Variants in EIPR1 observed in about 807,000 individuals in gnomAD.
EIPR1 encodes EARP and GARP complex-interacting protein 1.
EIPR1 carries 25 observed loss-of-function variants against 48.1 expected under a neutral mutation model. The ratio of observed to expected loss-of-function variants is 0.52; its 90% CI spans 0.38 to 0.73. The LOEUF (loss-of-function observed/expected upper bound fraction) is 0.73. Ranked by LOEUF, EIPR1 falls within the 30% of genes least tolerant of loss-of-function variation. The pLI is 0.00. For synonymous variants in EIPR1, 204 were observed against 201.9 expected (o/e 1.01, Z -0.09); for missense variants, 415 against 506.2 (o/e 0.82, Z 1.73).
At chr2:3,214,407 C>CA in intron 4 of EIPR1, 159 bp from the exon 5 acceptor site, 1 of 617,300 alleles carries the variant, frequency 1.6e-6, no homozygotes, top group Non-Finnish European at 2.8e-6. Flanking sequence ...TGCCTGACAA[C>CA]ACTGTTGTTG....
intron 3 of EIPR1, among the ~76,000 whole-genome samples, chr2:3,329,625 G>A (rs1481835123): frequency 6.6e-6 from 1 of 150,516 alleles, no homozygotes; most frequent in Non-Finnish European, 1.5e-5. Flanking sequence ...TACCCACCAT[G>A]CTCTAATAAT....
chr2:3,343,011 T>C (rs1012766666), intron 2 of EIPR1, among the ~76,000 whole-genome samples: 4 of 152,254 alleles, frequency 2.6e-5, no homozygotes, highest in Non-Finnish European at 5.9e-5. Context: ...CTTGAGTGCC[T>C]TAATCCTTAA....
chr2:3,330,462 C>T (rs1016097363), intron 3 of EIPR1, among the ~76,000 whole-genome samples: 42 of 152,162 alleles, frequency 2.8e-4, no homozygotes, highest in African/African-American at 9.7e-4. Context: ...CACAGAGTGT[C>T]GCCGAGGATG....
At position 3,354,630 on chromosome 2, in the gene EIPR1, G is replaced by A. The variant is rs756185398; in HGVS notation, c.46C>T (p.Arg16Cys). The A allele has an allele frequency of 4.3e-6, 7 of 1,613,916 alleles. No homozygotes were observed. The highest frequency in any genetic ancestry group is 2.2e-5 in the East Asian group (1 of 44,870). ...PVIYGLEFQA[R>C]ALTPQTAETD... ...TCTGCAGTTTGAGGTGTTAAGGCAC[G>A]TGCCTGCAGGAGGGAAGAAAAACAC... is the stretch of plus-strand genomic sequence containing the variant. Residue 16 changes from arginine (R) to cysteine (C), a missense_variant, in exon 2 of 9, where the codon CGT becomes TGT. Physicochemically the swap from Arg to Cys is radical, Grantham distance 180 (BLOSUM62 -3). Transcript: ENST00000382125.
intron 4 of EIPR1, among the ~76,000 whole-genome samples, chr2:3,221,834 CGA>C (rs796303227): frequency 5.5e-4 from 82 of 149,440 alleles, no homozygotes; most frequent in African/African-American, 1.8e-3. Flanking sequence ...CCACAATGGC[CGA>C]GATACACTCT....
intron 1 of EIPR1, among the ~76,000 whole-genome samples, chr2:3,368,312 G>A (rs1671026108): frequency 6.6e-6 from 1 of 151,274 alleles, no homozygotes; most frequent in Non-Finnish European, 1.5e-5. Context: ...GGTTTTGGTG[G>A]TAAACCGAAG....
At chr2:3,228,910 A>G (rs1482040585) in intron 4 of EIPR1, among the ~76,000 whole-genome samples, 2 of 152,174 alleles carry the variant, frequency 1.3e-5, no homozygotes, top group African/African-American at 4.8e-5. Flanking sequence ...TGGAACTGTG[A>G]GTTAAGCCCT....
chr2:3,363,672 G>A (rs1053981657), intron 1 of EIPR1, among the ~76,000 whole-genome samples: 3 of 152,112 alleles, frequency 2.0e-5, no homozygotes, highest in African/African-American at 7.2e-5. Flanking sequence ...TTGACAGAGT[G>A]AGACCGTGCC....
rs1337399502 is a variant in EIPR1 at position 3,286,458 on chromosome 2, G to T, written c.260-29003C>A. Among the ~76,000 whole-genome samples, 1 of 152,192 alleles carries T rather than the reference G, an allele frequency of 6.6e-6. No homozygotes were observed. The highest frequency in any genetic ancestry group is 1.5e-5 in the Non-Finnish European group (1 of 68,034). On this transcript the variant is annotated intron_variant, in intron 3 of 8. Coordinates refer to ENST00000382125, the MANE Select transcript of EIPR1 (RefSeq NM_003310.5). The surrounding 1 kb of genome is among the most constrained non-coding windows in gnomAD (Gnocchi z 4.2). ...CCCGGGGGTGGGGCCATCCTACCAG[G>T]CATGTCCTGGGCACATGGGAAGACC...
rs1313454238 is a variant in EIPR1, at chr2:3,194,278, G to A, written c.654-112C>T. On this transcript the variant is annotated intron_variant, in intron 6 of 8. Transcript: ENST00000382125. ...GGACCCTGTCTAATCCCCCGGCCCAGGGTGCTCTCATCCCCTCGGCGTTCC... is the reference window on the plus strand; with the variant it reads ...GGACCCTGTCTAATCCCCCGGCCCAAGGTGCTCTCATCCCCTCGGCGTTCC... 2.9e-6 allele frequency: 4 copies of A among 1,380,316 alleles called. No homozygotes were observed. In the Admixed American group the frequency reaches 6.1e-5, roughly 21 times the overall value. 85.5% of individuals were successfully genotyped at this position (1,380,316 alleles called of 1,614,324 possible).
At chr2:3,328,101 C>G (rs1669754270) in intron 3 of EIPR1, among the ~76,000 whole-genome samples, 1 of 152,122 alleles carries the variant, frequency 6.6e-6, no homozygotes, top group Non-Finnish European at 1.5e-5. Context: ...AGGGATGGCA[C>G]CTGGGGAGCC....
At chr2:3,297,192 G>T (rs183965529) in intron 3 of EIPR1, among the ~76,000 whole-genome samples, 3 of 152,362 alleles carry the variant, frequency 2.0e-5, no homozygotes, top group East Asian at 1.9e-4. Flanking sequence ...AGAAAGAGGC[G>T]TGTGGGACAC....
chr2:3,354,667 T>G (rs746755021), intron 1 of EIPR1, 34 bp from the exon 2 acceptor site: 9 of 1,600,682 alleles, frequency 5.6e-6, no homozygotes, highest in Middle Eastern at 3.3e-4. Flanking sequence ...TGCACATTTA[T>G]GAAGTTAGAT....
intron 3 of EIPR1, among the ~76,000 whole-genome samples, chr2:3,294,753 A>T (rs1668486004): frequency 8.0e-6 from 1 of 124,798 alleles, no homozygotes; most frequent in Admixed American, 8.4e-5. Flanking sequence ...CTCTATACAC[A>T]TGCCTTCCAT....
At chr2:3,290,359 AG>A (rs1331011652) in intron 3 of EIPR1, among the ~76,000 whole-genome samples, 1 of 151,648 alleles carries the variant, frequency 6.6e-6, no homozygotes, top group Admixed American at 6.5e-5. Context: ...AGAATACAAA[AG>A]GAAGAGTCCT....
chr2:3,342,347 A>T (rs953164973), intron 2 of EIPR1, among the ~76,000 whole-genome samples: 6 of 152,228 alleles, frequency 3.9e-5, no homozygotes, highest in African/African-American at 1.2e-4. Context: ...TTGCTAGGGA[A>T]TTTTTGTTCC....
chr2:3,313,217 T>C, intron 3 of EIPR1, among the ~76,000 whole-genome samples: 1 of 151,660 alleles, frequency 6.6e-6, no homozygotes, highest in South Asian at 2.1e-4. Context: ...TCATGTGAGG[T>C]GAAAGGGGTG....
chr2:3,278,882 G>GC (rs1667937634), intron 3 of EIPR1, among the ~76,000 whole-genome samples: 1 of 152,188 alleles, frequency 6.6e-6, no homozygotes, highest in Non-Finnish European at 1.5e-5. Context: ...CCTCCCGCCA[G>GC]CCCATTAGCC....
At chr2:3,328,464 T>C (rs1268168772) in intron 3 of EIPR1, among the ~76,000 whole-genome samples, 2 of 131,686 alleles carry the variant, frequency 1.5e-5, no homozygotes, top group East Asian at 2.4e-4. Flanking sequence ...TTCCCCTGAA[T>C]CAGAGCCCAC....
Sources: gnomAD v4.1 joint callset for allele counts (sites outside exome capture counted in the v4.1 genomes callset) on GRCh38, gnomAD v4.1.1 for gene constraint, Gnocchi (gnomAD v3.1) non-coding constraint, MANE v1.5 for transcripts, NCBI Gene and HGNC (gene_info 2026-07-23, HGNC 2026-07-21) for gene names.